SORBS2: variants seen among roughly 807,000 people sequenced by gnomAD.
SORBS2 encodes sorbin and SH3 domain containing 2, also known as sorbin and SH3 domain-containing protein 2.
A neutral mutation model predicts 97.7 loss-of-function variants in SORBS2; 46 were observed. The observed-to-expected ratio is 0.47, with a 90% CI of 0.37 to 0.60. The LOEUF (loss-of-function observed/expected upper bound fraction) is 0.60, where lower values mean the gene tolerates loss of function less well. SORBS2 is among the 20% of genes least tolerant of loss of function. The pLI is 0.00. For synonymous variants in SORBS2, 476 were observed against 473.4 expected, an observed-to-expected ratio of 1.01 and a Z score of -0.07; for missense variants, 1,316 against 1,282.3, an observed-to-expected ratio of 1.03 and a Z score of -0.40.
intron 1 of SORBS2, among the ~76,000 whole-genome samples, chr4:185,889,621 C>G (rs2099241474): frequency 6.6e-6 from 1 of 152,174 alleles, no homozygotes; most frequent in Non-Finnish European, 1.5e-5. Context: ...TCATGTTCCT[C>G]TCAGTCTCTC....
chr4:185,821,044 C>G (rs1338381536), intron 1 of SORBS2, among the ~76,000 whole-genome samples: 1 of 152,246 alleles, frequency 6.6e-6, no homozygotes, highest in Non-Finnish European at 1.5e-5. Context: ...GGTCAGATTA[C>G]TAAAGCACTG....
upstream of SORBS2, chr4:185,657,587 T>A: frequency 1.3e-6 from 2 of 1,588,776 alleles, no homozygotes; most frequent in Non-Finnish European, 1.7e-6. Context: ...GGGATATGTG[T>A]CTGTGGAATC....
intron 2 of SORBS2, among the ~76,000 whole-genome samples, chr4:185,682,561 T>C (rs1395707336): frequency 1.3e-5 from 2 of 152,212 alleles, no homozygotes; most frequent in African/African-American, 4.8e-5. Flanking sequence ...ATAAAGGCTG[T>C]TGTATTTTAA....
intron 1 of SORBS2, among the ~76,000 whole-genome samples, chr4:185,786,529 G>A (rs2099056873): frequency 6.6e-6 from 1 of 152,212 alleles, no homozygotes; most frequent in Non-Finnish European, 1.5e-5. Flanking sequence ...CTCTATCACA[G>A]CAGTGATTAC....
intron 1 of SORBS2, among the ~76,000 whole-genome samples, chr4:185,926,971 G>A (rs922150805): frequency 6.6e-6 from 1 of 151,538 alleles, no homozygotes; most frequent in Non-Finnish European, 1.5e-5. Context: ...TGAACAAAGA[G>A]GATTTTACGG....
intron 2 of SORBS2, among the ~76,000 whole-genome samples, chr4:185,692,300 C>T (rs183644110): frequency 7.9e-4 from 120 of 152,362 alleles, no homozygotes; most frequent in African/African-American, 2.8e-3. Flanking sequence ...CGCATCAGTA[C>T]TGCAACATCC....
intron 1 of SORBS2, among the ~76,000 whole-genome samples, chr4:185,864,898 T>G: frequency 7.0e-6 from 1 of 143,700 alleles, no homozygotes; most frequent in African/African-American, 2.6e-5. Flanking sequence ...GGCGATAGAG[T>G]GAGACTCTGT....
At chr4:185,754,129 C>T (rs2098817153) in intron 2 of SORBS2, among the ~76,000 whole-genome samples, 2 of 149,908 alleles carry the variant, frequency 1.3e-5, no homozygotes, top group South Asian at 4.4e-4. Context: ...TAAAAAAGGA[C>T]AAGATGATGT....
Position 185,611,774 on chromosome 4 carries a change from TC to T in SORBS2, c.2796+5del, listed in dbSNP as rs2096542881. On this transcript the variant is annotated splice_donor_5th_base_variant and intron_variant, in intron 12 of 14. Transcript: ENST00000418609. ...ATTACATTAACATGATAGAGTATGT[TC>T]TTACCTTATTTGAGCTCAAGCTGTG... 1 of 1,611,370 alleles carries T rather than the reference TC, an allele frequency of 6.2e-7. No individual in the cohort carries two copies. The highest frequency in any genetic ancestry group is 8.5e-7 in the Non-Finnish European group (1 of 1,177,618).
upstream of SORBS2, among the ~76,000 whole-genome samples, chr4:185,661,537 C>A (rs369408232): frequency 2.0e-5 from 3 of 152,260 alleles, no homozygotes; most frequent in Middle Eastern, 3.4e-3. Flanking sequence ...AATGACAGAA[C>A]CTTCATTTAA....
At chr4:185,617,826 A>G (rs2096651688) in intron 9 of SORBS2, among the ~76,000 whole-genome samples, 1 of 152,214 alleles carries the variant, frequency 6.6e-6, no homozygotes, top group African/African-American at 2.4e-5. Context: ...TGAGCTTTGC[A>G]GGCTGAGGAT....
rs75819266 is a variant in SORBS2 at position 185,820,784 on chromosome 4, G to C, written c.-337-45418C>G. Among the ~76,000 whole-genome samples, 479 of 152,320 alleles carry C rather than the reference G, an allele frequency of 3.1e-3. 6 individuals carry two copies. Among genetic ancestry groups the C allele is most frequent in the African/African-American group, 0.011 (446 of 41,576 alleles). ...TTGTGCTTTTATTTACTTAATCTCTGTCTGTCCCGCGAGATTATAAACTGC... is the reference window on the plus strand; with the variant it reads ...TTGTGCTTTTATTTACTTAATCTCTCTCTGTCCCGCGAGATTATAAACTGC... On this transcript the variant is annotated intron_variant, in intron 1 of 20. Transcript: ENST00000284776.
At chr4:185,806,434 CTATTT>C (rs2099154078) in intron 1 of SORBS2, among the ~76,000 whole-genome samples, 8 of 108,108 alleles carry the variant, frequency 7.4e-5, no homozygotes, top group African/African-American at 2.9e-4. Context: ...GGCTAGAATC[CTATTT>C]TTTTTTTTTT....
intron 1 of SORBS2, among the ~76,000 whole-genome samples, chr4:185,799,519 C>T (rs1342092727): frequency 1.3e-5 from 2 of 152,238 alleles, no homozygotes; most frequent in Non-Finnish European, 1.5e-5. Context: ...CTGAGACTTA[C>T]ACTTCACACG....
chr4:185,835,288 A>G (rs1032256193), intron 1 of SORBS2, among the ~76,000 whole-genome samples: 5 of 152,356 alleles, frequency 3.3e-5, no homozygotes, highest in Non-Finnish European at 5.9e-5. Flanking sequence ...ACAGTCTCCA[A>G]AAACAATTTT....
At chr4:185,629,587 G>A (rs1264781374) in intron 5 of SORBS2, among the ~76,000 whole-genome samples, 1 of 125,432 alleles carries the variant, frequency 8.0e-6, no homozygotes, top group Non-Finnish European at 1.6e-5. Context: ...TTTTTAGACT[G>A]AGTCTTGCTG....
At chr4:185,596,973 G>A (rs562524843) in intron 12 of SORBS2, among the ~76,000 whole-genome samples, 30 of 152,110 alleles carry the variant, frequency 2.0e-4, no homozygotes, top group African/African-American at 6.5e-4. Context: ...AAGACTTTTC[G>A]TAGCAGAGAA....
At chr4:185,879,467 C>T (rs904648903) in intron 1 of SORBS2, among the ~76,000 whole-genome samples, 2 of 152,128 alleles carry the variant, frequency 1.3e-5, no homozygotes, top group Non-Finnish European at 2.9e-5. Flanking sequence ...GTGAATAGTG[C>T]TGCAATAAAC....
chr4:185,708,696 T>C (rs1013451666), intron 2 of SORBS2, among the ~76,000 whole-genome samples: 5 of 152,212 alleles, frequency 3.3e-5, no homozygotes, highest in African/African-American at 1.2e-4. Flanking sequence ...TTCCCAGTGC[T>C]TTCTTGGTCA....
Sources: allele counts gnomAD v4.1 joint callset (sites outside exome capture counted in the v4.1 genomes callset), GRCh38; gene constraint gnomAD v4.1.1; transcripts MANE v1.5; gene names NCBI Gene and HGNC (gene_info 2026-07-23, HGNC 2026-07-21).